CLIP2: variants seen among roughly 807,000 people sequenced by gnomAD.
CLIP2 encodes CAP-Gly domain-containing linker protein 2.
In CLIP2, 41 loss-of-function variants were observed where a neutral mutation model predicts 111.7. The observed-to-expected ratio is 0.37, with a 90% CI of 0.29 to 0.48. CLIP2 has a LOEUF of 0.48. Ranked by LOEUF, CLIP2 falls within the 20% of genes least tolerant of loss-of-function variation. The probability of loss-of-function intolerance (pLI) is 0.99; values close to 1 mark genes in which losing one functional copy is unlikely to be tolerated. For synonymous variants in CLIP2, 660 were observed against 644.2 expected (o/e 1.02, Z -0.37); for missense variants, 1,160 against 1,422.1 (o/e 0.82, Z 2.96).
chr7:74,401,614 C>G, intron 16 of CLIP2, 47 bp downstream of exon 16: 1 of 1,566,872 alleles, frequency 6.4e-7, no homozygotes. Flanking sequence ...GCAGGCAGAC[C>G]TCTCTGGAGA....
At chr7:74,366,566 C>A in intron 8 of CLIP2, among the ~76,000 whole-genome samples, 1 of 152,232 alleles carries the variant, frequency 6.6e-6, no homozygotes, top group Non-Finnish European at 1.5e-5. Flanking sequence ...TATGCTTTCG[C>A]AGTTCTGGAA....
At chr7:74,360,319 T>A in intron 7 of CLIP2, 41 bp downstream of exon 7, 1 of 1,467,342 alleles carries the variant, frequency 6.8e-7, no homozygotes, top group Non-Finnish European at 9.3e-7. Context: ...TGAGTCCCCT[T>A]AAGGAGGATG....
Position 74,317,683 on chromosome 7 carries a change from A to G in CLIP2, c.121+16A>G, listed in dbSNP as rs1554729326. ...TCCAAGGAAGGTACGTGGCACACCA[A>G]GGATGGGGGGTGAGGGGACTGGCTA... On this transcript the variant is annotated intron_variant, in intron 2 of 16. Transcript: ENST00000223398. The G allele has an allele frequency of 2.1e-6, 3 of 1,438,968 alleles. No homozygotes were observed. The South Asian group carries it at 4.8e-5, about 23-fold the overall frequency. The allele number at this position is 1,438,968 out of a possible 1,614,324, so 89.1% of individuals were successfully genotyped here.
At chr7:74,372,883 C>CT in intron 8 of CLIP2, 49 bp from the exon 9 acceptor site, 1 of 593,298 alleles carries the variant, frequency 1.7e-6, no homozygotes. Context: ...GCCCCCCTCC[C>CT]TGCGTCCCCG....
intron 7 of CLIP2, among the ~76,000 whole-genome samples, chr7:74,363,895 CAA>C (rs11438621): frequency 1.0e-4 from 10 of 96,654 alleles, no homozygotes; most frequent in Admixed American, 2.2e-4. Flanking sequence ...GACTCTGTCT[CAA>C]AAAAAAAAAA....
At chr7:74,293,618 A>G (rs1788087228) in intron 1 of CLIP2, among the ~76,000 whole-genome samples, 1 of 152,066 alleles carries the variant, frequency 6.6e-6, no homozygotes, top group Non-Finnish European at 1.5e-5. Context: ...TTGATGATGA[A>G]GGTTGTGTGT....
intron 2 of CLIP2, among the ~76,000 whole-genome samples, chr7:74,327,760 G>A (rs371667415): frequency 1.5e-4 from 23 of 152,262 alleles, no homozygotes; most frequent in African/African-American, 5.1e-4. Flanking sequence ...TGTCCCTGAC[G>A]TGGTCCAGGA....
intron 15 of CLIP2, 150 bp downstream of exon 15, chr7:74,400,705 G>A (rs782482323): frequency 7.2e-5 from 56 of 776,054 alleles, no homozygotes; most frequent in Non-Finnish European, 1.1e-4. Flanking sequence ...GAAGGGGGAG[G>A]TAGCCCTGTC....
chr7:74,369,040 C>T (rs1402230076), intron 8 of CLIP2, among the ~76,000 whole-genome samples: 3 of 152,176 alleles, frequency 2.0e-5, no homozygotes, highest in Non-Finnish European at 4.4e-5. Flanking sequence ...CATAGTGAGA[C>T]CCCATCTCTA....
At chr7:74,336,603 C>G (rs1421344305) in intron 2 of CLIP2, among the ~76,000 whole-genome samples, 1 of 152,008 alleles carries the variant, frequency 6.6e-6, no homozygotes, top group Non-Finnish European at 1.5e-5. Flanking sequence ...TCATTAAGCT[C>G]CCACTGGGTA....
chr7:74,344,589 A>G (rs1481317937), intron 3 of CLIP2, among the ~76,000 whole-genome samples: 8 of 151,306 alleles, frequency 5.3e-5, no homozygotes, highest in African/African-American at 1.7e-4. Context: ...TTTTGCAGAG[A>G]TGGGGGTCTC....
At chr7:74,397,652 G>T (rs1791492877) in intron 14 of CLIP2, among the ~76,000 whole-genome samples, 1 of 147,860 alleles carries the variant, frequency 6.8e-6, no homozygotes, top group Non-Finnish European at 1.5e-5. Context: ...ATTCTGGGTG[G>T]CTGAGTTTTT....
At position 74,375,877 on chromosome 7, in the gene CLIP2, C is replaced by G. The variant is rs1554312664; in HGVS notation, c.1486-10C>G. On this transcript the variant is annotated splice_polypyrimidine_tract_variant and intron_variant, in intron 9 of 16. Coordinates refer to ENST00000223398, the MANE Select transcript of CLIP2 (RefSeq NM_003388.5). ...AGCCCGCTGATCCCTGTCTCCCTCT[C>G]TCCCCACAGCTGACCACAGTGGCCG... 3 of 1,504,434 alleles carry G rather than the reference C, an allele frequency of 2.0e-6. No individual in the cohort carries two copies. In the South Asian group the frequency reaches 3.9e-5, roughly 20 times the overall value. The allele number at this position is 1,504,434 out of a possible 1,614,324, so 93.2% of individuals were successfully genotyped here.
chr7:74,371,158 T>C (rs1015826411), intron 8 of CLIP2, among the ~76,000 whole-genome samples: 3 of 149,494 alleles, frequency 2.0e-5, no homozygotes, highest in African/African-American at 7.4e-5. Context: ...GCTGGAGAAT[T>C]GCTTGAACCT....
rs782653077 is a variant in CLIP2 at position 74,389,166 on chromosome 7, G to T, written c.2627G>T (p.Arg876Leu). 36 of 1,613,746 alleles carry T rather than the reference G, an allele frequency of 2.2e-5. No homozygotes were observed. Among genetic ancestry groups the T allele is most frequent in the Non-Finnish European group, 3.1e-5 (36 of 1,179,952 alleles). Residue 876 changes from arginine (R) to leucine (L), a missense_variant, in exon 13 of 17, where the codon CGC becomes CTC. Physicochemically the swap from Arg to Leu is moderately radical, Grantham distance 102. Around this residue, in one of 5 missense-constraint regions of CLIP2, gnomAD observed 676 missense variants for 777.8 expected, o/e 0.87. Transcript: ENST00000223398. ...GACGCCCTCCTGAAGGAGAAGCGGC[G>T]CCTGGAGGCAGAGCTGGAGACCGTG... ...KVDALLKEKR[R>L]LEAELETVSR...
In CLIP2 at chr7:74,314,706, C is replaced by G. The variant is rs372875049; in HGVS notation, c.-67-2774C>G. ...GGACGGTGCTCCCCAGGGCAGAGGC[C>G]GAGTCCTGCCTGCAGCTCTGGGGCA... On this transcript the variant is annotated intron_variant, in intron 1 of 16. Coordinates refer to ENST00000223398, the MANE Select transcript of CLIP2 (RefSeq NM_003388.5). Among the ~76,000 whole-genome samples the G allele has an allele frequency of 2.6e-3, 396 of 152,300 alleles. 2 individuals are homozygous for G. Among genetic ancestry groups the G allele is most frequent in the African/African-American group, 9.3e-3 (387 of 41,552 alleles).
chr7:74,326,474 C>T (rs1047388124), intron 2 of CLIP2, among the ~76,000 whole-genome samples: 3 of 152,188 alleles, frequency 2.0e-5, no homozygotes, highest in African/African-American at 7.2e-5. Context: ...CCCTAACATT[C>T]CTGTGGCCTT....
chr7:74,370,155 C>CAAAA (rs536133070), intron 8 of CLIP2, among the ~76,000 whole-genome samples: 578 of 32,456 alleles, frequency 0.018, 9 homozygotes, highest in Non-Finnish European at 0.025. Context: ...GACTCTGCCT[C>CAAAA]AAAAAAAAAA....
chr7:74,294,230 C>G (rs975411388), intron 1 of CLIP2, among the ~76,000 whole-genome samples: 7 of 152,212 alleles, frequency 4.6e-5, no homozygotes, highest in Non-Finnish European at 8.8e-5. Flanking sequence ...CTGCGCCCAG[C>G]CAGAGCCTCC....
Sources: gnomAD v4.1 joint callset for allele counts (sites outside exome capture counted in the v4.1 genomes callset) on GRCh38, gnomAD v4.1.1 for gene constraint, gnomAD v4.1.1 regional missense constraint, MANE v1.5 for transcripts, NCBI Gene and HGNC (gene_info 2026-07-23, HGNC 2026-07-21) for gene names.